The following CXCL13 variants were observed in gnomAD, a reference collection of about 807,000 sequenced individuals.
CXCL13 encodes C-X-C motif chemokine 13.
CXCL13 carries 7 observed loss-of-function variants against 12.2 expected under a neutral mutation model. The ratio of observed to expected loss-of-function variants is 0.57; its 90% CI spans 0.33 to 1.07. CXCL13 has a LOEUF of 1.07. CXCL13 is among the 50% of genes least tolerant of loss of function. CXCL13 has a pLI of 0.04. For missense variants in CXCL13, 113 were observed against 127.4 expected (o/e 0.89, Z 0.55); for synonymous variants, 47 against 42.4 (o/e 1.11, Z -0.42).
intron 1 of CXCL13, among the ~76,000 whole-genome samples, chr4:77,556,919 C>T (rs904490716): frequency 3.3e-5 from 5 of 151,886 alleles, no homozygotes; most frequent in East Asian, 1.9e-4. Context: ...CTCAGGAGGC[C>T]GAGAGGAAGA....
intron 1 of CXCL13, among the ~76,000 whole-genome samples, chr4:77,596,076 CA>C (rs2109833324): frequency 6.6e-6 from 1 of 152,312 alleles, no homozygotes; most frequent in African/African-American, 2.4e-5. Flanking sequence ...GCAAACAAAA[CA>C]AAGTCCCTTT....
intron 1 of CXCL13, among the ~76,000 whole-genome samples, chr4:77,577,907 C>A (rs1726233110): frequency 6.6e-6 from 1 of 152,106 alleles, no homozygotes; most frequent in South Asian, 2.1e-4. Flanking sequence ...TTTGAAAAAA[C>A]CTCCTTTTTT....
At chr4:77,512,943 G>A (rs540671580) in intron 1 of CXCL13, among the ~76,000 whole-genome samples, 12 of 151,828 alleles carry the variant, frequency 7.9e-5, no homozygotes, top group Non-Finnish European at 1.6e-4. Context: ...CCAACCCCAC[G>A]ACAGGCCCCA....
chr4:77,519,577 T>C (rs1724523647), intron 1 of CXCL13, among the ~76,000 whole-genome samples: 1 of 152,214 alleles, frequency 6.6e-6, no homozygotes, highest in Non-Finnish European at 1.5e-5. Flanking sequence ...TTTTTTCTCA[T>C]GAATTTGTTT....
chr4:77,556,469 A>C (rs1333707563), intron 1 of CXCL13, among the ~76,000 whole-genome samples: 1 of 152,202 alleles, frequency 6.6e-6, no homozygotes, highest in Non-Finnish European at 1.5e-5. Context: ...GACAATAAAG[A>C]GGCCTAAAAG....
At chr4:77,610,384 C>G (rs1189239205) in intron 2 of CXCL13, among the ~76,000 whole-genome samples, 1 of 152,096 alleles carries the variant, frequency 6.6e-6, no homozygotes, top group East Asian at 1.9e-4. Context: ...GTGAGGCCCT[C>G]GCAGCTTTGG....
In CXCL13 at chr4:77,527,924, C is replaced by T. The variant is rs58462513; in HGVS notation, c.-43+16136C>T. On this transcript the variant is annotated intron_variant, in intron 1 of 4. Coordinates refer to the CXCL13 transcript ENST00000286758. ...AGGTATATCTCCTAATGCTATCCCT[C>T]CCCTATCCCCCCACCCCACAACAGG... Among the ~76,000 whole-genome samples the T allele has an allele frequency of 4.4e-3, 663 of 152,152 alleles. 7 individuals carry two copies. Among genetic ancestry groups the T allele is most frequent in the African/African-American group, 0.015 (626 of 41,504 alleles).
chr4:77,542,983 A>G (rs543820651), intron 1 of CXCL13, among the ~76,000 whole-genome samples: 1 of 152,172 alleles, frequency 6.6e-6, no homozygotes. Context: ...CCATGGACCC[A>G]TTTGGTCTAG....
chr4:77,512,189 T>A (rs181815257), intron 1 of CXCL13, among the ~76,000 whole-genome samples: 5 of 152,378 alleles, frequency 3.3e-5, no homozygotes, highest in Admixed American at 1.3e-4. Context: ...GCTTGCTGCC[T>A]CTTTAATTCT....
rs144634455 is a variant in CXCL13, at chr4:77,540,081, T to C, written c.-43+28293T>C. Among the ~76,000 whole-genome samples, 506 of 152,266 alleles carry C rather than the reference T, an allele frequency of 3.3e-3. 15 individuals are homozygous for C. Among genetic ancestry groups the C allele is most frequent in the East Asian group, 9.6e-4 (5 of 5,188 alleles). On this transcript the variant is annotated intron_variant, in intron 1 of 4. Coordinates refer to the CXCL13 transcript ENST00000286758. ...TATTTTTAGAAAAATAGACACGATATTTTTTATGTTCAGTATTATAGATTG... is the reference window on the plus strand; with the variant it reads ...TATTTTTAGAAAAATAGACACGATACTTTTTATGTTCAGTATTATAGATTG...
intron 1 of CXCL13, among the ~76,000 whole-genome samples, chr4:77,586,645 G>C (rs1021698035): frequency 6.6e-6 from 1 of 152,160 alleles, no homozygotes; most frequent in Non-Finnish European, 1.5e-5. Flanking sequence ...TCTGACAGTG[G>C]AGAAATAACG....
chr4:77,529,784 T>C (rs1304738055), intron 1 of CXCL13, among the ~76,000 whole-genome samples: 2 of 152,216 alleles, frequency 1.3e-5, no homozygotes, highest in Non-Finnish European at 1.5e-5. Flanking sequence ...TCCTGCCTGA[T>C]TGCCCTGGCC....
intron 1 of CXCL13, among the ~76,000 whole-genome samples, chr4:77,587,279 C>G (rs1560534115): frequency 6.6e-6 from 1 of 152,208 alleles, no homozygotes; most frequent in Non-Finnish European, 1.5e-5. Context: ...CCACCACCAT[C>G]CCCTTTGTTC....
At chr4:77,607,395 C>T (rs550957012) in intron 1 of CXCL13, among the ~76,000 whole-genome samples, 1 of 152,174 alleles carries the variant, frequency 6.6e-6, no homozygotes, top group Non-Finnish European at 1.5e-5. Context: ...GTTTGTTGCC[C>T]AGGCTGGTCT....
At chr4:77,566,838 A>G (rs764989495) in intron 1 of CXCL13, among the ~76,000 whole-genome samples, 7 of 152,214 alleles carry the variant, frequency 4.6e-5, no homozygotes, top group Non-Finnish European at 1.0e-4. Flanking sequence ...AACCAGTTGT[A>G]CTTCTTGAGT....
At chr4:77,608,989 C>A (rs1727083233) in intron 2 of CXCL13, among the ~76,000 whole-genome samples, 3 of 152,168 alleles carry the variant, frequency 2.0e-5, no homozygotes, top group Non-Finnish European at 4.4e-5. Flanking sequence ...GATTTTATAT[C>A]TTTTCATCAA....
chr4:77,535,834 T>C (rs1175217732), intron 1 of CXCL13, among the ~76,000 whole-genome samples: 1 of 152,184 alleles, frequency 6.6e-6, no homozygotes, highest in Non-Finnish European at 1.5e-5. Flanking sequence ...TAAAGCCACC[T>C]TCAGCATTTG....
chr4:77,603,328 T>C (rs1726932660), upstream of CXCL13, among the ~76,000 whole-genome samples: 1 of 152,236 alleles, frequency 6.6e-6, no homozygotes, highest in South Asian at 2.1e-4. Flanking sequence ...TATAAGTGAC[T>C]AGAATAATGT....
At chr4:77,522,019 T>A (rs1724613882) in intron 1 of CXCL13, among the ~76,000 whole-genome samples, 1 of 152,200 alleles carries the variant, frequency 6.6e-6, no homozygotes, top group Non-Finnish European at 1.5e-5. Flanking sequence ...GTTGTGCAGT[T>A]TTGAGTGAAT....
Sources: allele counts gnomAD v4.1 joint callset (sites outside exome capture counted in the v4.1 genomes callset), GRCh38; gene constraint gnomAD v4.1.1; transcripts MANE v1.5; gene names NCBI Gene and HGNC (gene_info 2026-07-23, HGNC 2026-07-21).